COL25A1: variants seen among roughly 807,000 people sequenced by gnomAD.
COL25A1 encodes collagen alpha-1(XXV) chain.
Under a neutral mutation model 128.4 loss-of-function variants are expected in COL25A1, and 103 were observed. The observed-to-expected ratio is 0.80, with a 90% CI of 0.68 to 0.94. COL25A1 has a LOEUF of 0.94. Ranked by LOEUF, COL25A1 falls within the 40% of genes least tolerant of loss-of-function variation. COL25A1 has a pLI of 0.00. For synonymous variants in COL25A1, 279 were observed against 277.2 expected, an observed-to-expected ratio of 1.01 and a Z score of -0.06; for missense variants, 745 against 840.0, an observed-to-expected ratio of 0.89 and a Z score of 1.40.
At chr4:108,918,367 T>A (rs1745108816) in intron 12 of COL25A1, 151 bp from the exon 13 acceptor site, 4 of 476,776 alleles carry the variant, frequency 8.4e-6, no homozygotes. Context: ...ATATATAATG[T>A]AAGCAGATTC....
intron 11 of COL25A1, among the ~76,000 whole-genome samples, chr4:108,923,104 C>T (rs1231144726): frequency 6.6e-6 from 1 of 152,120 alleles, no homozygotes; most frequent in African/African-American, 2.4e-5. Context: ...TACTTATATG[C>T]ATTTGTTTTG....
At chr4:109,239,846 G>T (rs1361449799) in intron 3 of COL25A1, among the ~76,000 whole-genome samples, 3 of 151,868 alleles carry the variant, frequency 2.0e-5, no homozygotes, top group Non-Finnish European at 4.4e-5. Context: ...CAAACACATT[G>T]TACACTTCAT....
At chr4:108,941,315 G>A in intron 9 of COL25A1, 51 bp downstream of exon 9, 1 of 1,419,300 alleles carries the variant, frequency 7.0e-7, no homozygotes, top group Non-Finnish European at 1.0e-6. Flanking sequence ...GGTACACAGA[G>A]CAATAACTGA....
At chr4:109,055,903 T>G (rs1165323715) in intron 3 of COL25A1, among the ~76,000 whole-genome samples, 2 of 152,240 alleles carry the variant, frequency 1.3e-5, no homozygotes, top group African/African-American at 4.8e-5. Context: ...TTCTCAAGAT[T>G]TTCTCAATCA....
intron 3 of COL25A1, among the ~76,000 whole-genome samples, chr4:109,159,215 C>G (rs569805395): frequency 6.7e-6 from 1 of 150,100 alleles, no homozygotes; most frequent in East Asian, 2.0e-4. Flanking sequence ...AAGAAAATGG[C>G]AAGAATACCT....
At chr4:109,156,850 T>C (rs1578312558) in intron 3 of COL25A1, among the ~76,000 whole-genome samples, 1 of 152,264 alleles carries the variant, frequency 6.6e-6, no homozygotes, top group African/African-American at 2.4e-5. Flanking sequence ...CTTTTCTCTG[T>C]GTATAGGTAC....
rs986851548 is a variant in COL25A1, at chr4:108,869,275, G to C, written c.1021-125C>G. 4 of 572,102 alleles carry C rather than the reference G, an allele frequency of 7.0e-6. No homozygotes were observed. The African/African-American group carries it at 8.2e-5, about 12-fold the overall frequency. The allele number at this position is 572,102 out of a possible 1,614,324, so 35.4% of individuals were successfully genotyped here. On this transcript the variant is annotated intron_variant, in intron 19 of 37. Coordinates refer to ENST00000399132, the MANE Select transcript of COL25A1 (RefSeq NM_198721.4). ...GATTTTACTTCCCTGGTTGTATACA[G>C]CTTTCTTGCCGAGATCCAGCTACTT...
rs1295450896 is a variant in COL25A1 at position 108,889,864 on chromosome 4, G to A, written c.907-131C>T. 7.2e-6 allele frequency: 5 copies of A among 698,170 alleles called. No individual in the cohort carries two copies. In the African/African-American group the frequency reaches 7.2e-5, roughly 10 times the overall value. The allele number at this position is 698,170 out of a possible 1,614,324, so 43.2% of individuals were successfully genotyped here. On this transcript the variant is annotated intron_variant, in intron 16 of 37. Coordinates refer to ENST00000399132, the MANE Select transcript of COL25A1 (RefSeq NM_198721.4). ...GACTAATGTGCCTAACTACGTTCCA[G>A]AAGACTTTGTACCAACATCTCAGCT...
At chr4:109,076,443 G>T (rs1443660071) in intron 3 of COL25A1, among the ~76,000 whole-genome samples, 2 of 151,844 alleles carry the variant, frequency 1.3e-5, no homozygotes, top group African/African-American at 4.8e-5. Context: ...GCTAACCCTG[G>T]TGTTCTGCTG....
intron 19 of COL25A1, among the ~76,000 whole-genome samples, chr4:108,876,723 G>C (rs1297537906): frequency 6.6e-6 from 1 of 152,214 alleles, no homozygotes; most frequent in African/African-American, 2.4e-5. Context: ...CCACAATACA[G>C]ATATCTCAGC....
intron 3 of COL25A1, among the ~76,000 whole-genome samples, chr4:109,138,802 G>A (rs1289998304): frequency 6.6e-6 from 1 of 152,044 alleles, no homozygotes; most frequent in African/African-American, 2.4e-5. Flanking sequence ...CCACATCCTG[G>A]GTTCACGCCA....
intron 3 of COL25A1, among the ~76,000 whole-genome samples, chr4:109,168,396 G>C (rs1331457578): frequency 2.6e-5 from 4 of 152,136 alleles, no homozygotes; most frequent in African/African-American, 4.8e-5. Context: ...AGTACACTTT[G>C]TAAATGCAAC....
chr4:109,083,811 T>G (rs1310115176), intron 3 of COL25A1, among the ~76,000 whole-genome samples: 1 of 152,148 alleles, frequency 6.6e-6, no homozygotes, highest in Non-Finnish European at 1.5e-5. Context: ...GTAGGCAGGT[T>G]TCTGTAATAA....
At chr4:109,173,056 G>A (rs1436614482) in intron 3 of COL25A1, among the ~76,000 whole-genome samples, 1 of 152,030 alleles carries the variant, frequency 6.6e-6, no homozygotes, top group East Asian at 1.9e-4. Flanking sequence ...CTTACAATTG[G>A]ACATTATAGA....
At chr4:109,054,235 G>T (rs935386688) in intron 3 of COL25A1, among the ~76,000 whole-genome samples, 51 of 152,264 alleles carry the variant, frequency 3.3e-4, no homozygotes, top group African/African-American at 1.2e-3. Flanking sequence ...CACTATTCAA[G>T]GAGGCAATTT....
intron 37 of COL25A1, among the ~76,000 whole-genome samples, chr4:108,814,976 T>C (rs966661732): frequency 3.3e-5 from 5 of 152,184 alleles, no homozygotes; most frequent in Admixed American, 6.6e-5. Context: ...GAGGCTGCTT[T>C]CTAATCTTCA....
At chr4:109,184,087 C>T (rs1244785688) in intron 3 of COL25A1, among the ~76,000 whole-genome samples, 2 of 152,204 alleles carry the variant, frequency 1.3e-5, no homozygotes, top group East Asian at 1.9e-4. Context: ...GGAAAGCATA[C>T]ATTAGTTTTC....
intron 3 of COL25A1, among the ~76,000 whole-genome samples, chr4:109,089,302 T>C (rs908756873): frequency 6.6e-6 from 1 of 152,146 alleles, no homozygotes; most frequent in African/African-American, 2.4e-5. Flanking sequence ...TTTGGGCAGG[T>C]CAGTTCAATC....
At chr4:108,828,490 T>C (rs948504212) in intron 32 of COL25A1, among the ~76,000 whole-genome samples, 6 of 152,192 alleles carry the variant, frequency 3.9e-5, no homozygotes, top group African/African-American at 1.4e-4. Context: ...AAGGTAGGTA[T>C]ATGTTATCTT....
Sources: gnomAD v4.1 joint callset for allele counts (sites outside exome capture counted in the v4.1 genomes callset) on GRCh38, gnomAD v4.1.1 for gene constraint, MANE v1.5 for transcripts, NCBI Gene and HGNC (gene_info 2026-07-23, HGNC 2026-07-21) for gene names.